Variants in INPP4B observed in about 807,000 individuals in gnomAD.
INPP4B encodes the protein inositol polyphosphate 4-phosphatase type II.
A neutral mutation model predicts 122.5 loss-of-function variants in INPP4B; 55 were observed. The ratio of observed to expected loss-of-function variants is 0.45; its 90% CI spans 0.36 to 0.56. INPP4B has a LOEUF of 0.56. INPP4B is among the 20% of genes least tolerant of loss of function. The probability of loss-of-function intolerance (pLI) is 0.00; values close to 1 mark genes in which losing one functional copy is unlikely to be tolerated. For synonymous variants in INPP4B, 403 were observed against 388.7 expected (o/e 1.04, Z -0.43); for missense variants, 1,000 against 1,097.7 (o/e 0.91, Z 1.26).
At position 142,405,159 on chromosome 4, in the gene INPP4B, A is replaced by AAGAGAGAG. The variant is rs3076598; in HGVS notation, c.255+39_255+46dup. The stretch of plus-strand genomic sequence containing the variant: ...AGAGAGCAAGAGCGAGCGAGCCAGC[A>AAGAGAGAG]AGAGAGAGAGAGAGAGAGAGATTAA... On this transcript the variant is annotated intron_variant, in intron 6 of 25. Coordinates refer to ENST00000262992, the MANE Select transcript of INPP4B (RefSeq NM_001101669.3). The AAGAGAGAG allele has an allele frequency of 2.0e-3, 1,951 of 970,054 alleles. 6 individuals are homozygous for AAGAGAGAG. Among genetic ancestry groups the AAGAGAGAG allele is most frequent in the East Asian group, 0.012 (477 of 39,586 alleles). 60.1% of individuals were successfully genotyped at this position (970,054 alleles called of 1,614,324 possible).
chr4:142,451,039 A>G (rs1580097701), intron 3 of INPP4B, among the ~76,000 whole-genome samples: 1 of 151,710 alleles, frequency 6.6e-6, no homozygotes, highest in South Asian at 2.1e-4. Flanking sequence ...TACAACCCAT[A>G]GACAGAAAAG....
At chr4:142,418,903 A>G (rs1421720404) in intron 5 of INPP4B, among the ~76,000 whole-genome samples, 1 of 152,160 alleles carries the variant, frequency 6.6e-6, no homozygotes, top group Non-Finnish European at 1.5e-5. Context: ...ACTCACGAGG[A>G]CTTGCCTGCT....
Position 142,841,672 on chromosome 4 carries a change from C to A in INPP4B, c.-254+4537G>T, listed in dbSNP as rs149419087. ...ACTCTCTTTTGAGAAACATAAAAAT[C>A]TCGAAGTTCTCCTTCAAAGCTATTT... On this transcript the variant is annotated intron_variant, in intron 1 of 25. Coordinates refer to ENST00000262992, the MANE Select transcript of INPP4B (RefSeq NM_001101669.3). 2.8e-3 allele frequency among the ~76,000 whole-genome samples: 430 copies of A among 151,912 alleles called. 1 individual carries two copies. The highest frequency in any genetic ancestry group is 0.01 in the African/African-American group (419 of 41,504).
chr4:142,714,123 C>T (rs561505254), intron 2 of INPP4B, among the ~76,000 whole-genome samples: 4 of 152,278 alleles, frequency 2.6e-5, no homozygotes, highest in African/African-American at 9.6e-5. Context: ...CATAAAATTA[C>T]AGGAGGGAGA....
At chr4:142,545,553 A>T (rs1829447274) in intron 2 of INPP4B, among the ~76,000 whole-genome samples, 1 of 152,012 alleles carries the variant, frequency 6.6e-6, no homozygotes, top group African/African-American at 2.4e-5. Context: ...CCAAAAAGGT[A>T]AGTTCTTATG....
chr4:142,070,348 C>T (rs2152480517), intron 25 of INPP4B, among the ~76,000 whole-genome samples: 1 of 151,988 alleles, frequency 6.6e-6, no homozygotes, highest in South Asian at 2.1e-4. Flanking sequence ...AAAATAATAG[C>T]AGCTATTTAT....
At chr4:142,487,249 C>T (rs1821313073) in intron 2 of INPP4B, among the ~76,000 whole-genome samples, 1 of 152,070 alleles carries the variant, frequency 6.6e-6, no homozygotes, top group South Asian at 2.1e-4. Context: ...ACTGTAAGTC[C>T]AATAAACCTC....
intron 2 of INPP4B, among the ~76,000 whole-genome samples, chr4:142,496,045 C>T (rs575193435): frequency 6.6e-6 from 1 of 152,178 alleles, no homozygotes; most frequent in East Asian, 1.9e-4. Context: ...TTATCTTTAA[C>T]AATATGATTT....
At chr4:142,442,759 T>A (rs1812091772) in intron 3 of INPP4B, among the ~76,000 whole-genome samples, 1 of 152,172 alleles carries the variant, frequency 6.6e-6, no homozygotes, top group South Asian at 2.1e-4. Context: ...GGAAGATATG[T>A]CAGGCACTGT....
intron 2 of INPP4B, among the ~76,000 whole-genome samples, chr4:142,690,656 G>T (rs969753894): frequency 2.6e-5 from 4 of 152,170 alleles, no homozygotes; most frequent in Admixed American, 6.6e-5. Context: ...AAAAGGACTG[G>T]AGAAGGAATT....
intron 7 of INPP4B, among the ~76,000 whole-genome samples, chr4:142,358,775 G>A (rs1183358096): frequency 6.6e-6 from 1 of 151,500 alleles, no homozygotes; most frequent in Admixed American, 6.6e-5. Context: ...TGTTACAAAT[G>A]CACATGCCCA....
At position 142,133,923 on chromosome 4, in the gene INPP4B, C is replaced by A. The variant is rs529418397; in HGVS notation, c.1721-9163G>T. On this transcript the variant is annotated intron_variant, in intron 18 of 25. Transcript: ENST00000262992. ...CCACTAAACTGCAATCTCTACCCTA[C>A]AACATTACATCAAAACCCTTTTACG... 2.0e-5 allele frequency among the ~76,000 whole-genome samples: 3 copies of A among 152,314 alleles called. No homozygotes were observed. In the East Asian group the frequency reaches 5.8e-4, roughly 29 times the overall value.
At chr4:142,070,706 G>C (rs1032407864) in intron 25 of INPP4B, among the ~76,000 whole-genome samples, 2 of 152,114 alleles carry the variant, frequency 1.3e-5, no homozygotes, top group African/African-American at 2.4e-5. Context: ...GACAGACAGA[G>C]AGCCAAATTA....
chr4:142,030,763 G>A (rs1202034118), intron 25 of INPP4B, among the ~76,000 whole-genome samples: 2 of 152,064 alleles, frequency 1.3e-5, no homozygotes, highest in Non-Finnish European at 2.9e-5. Context: ...CTCTCTACTG[G>A]CATTGCACCT....
intron 2 of INPP4B, among the ~76,000 whole-genome samples, chr4:142,485,812 T>G (rs913947226): frequency 6.6e-6 from 1 of 152,114 alleles, no homozygotes. Flanking sequence ...TTATACAAAT[T>G]ACCTCCCACA....
chr4:142,825,525 C>A (rs1781351412), intron 1 of INPP4B, among the ~76,000 whole-genome samples: 1 of 151,940 alleles, frequency 6.6e-6, no homozygotes, highest in Admixed American at 6.6e-5. Flanking sequence ...ACAGTGGAAT[C>A]TCTGACCCCA....
chr4:142,326,859 C>T (rs189255679), intron 7 of INPP4B, among the ~76,000 whole-genome samples: 144 of 152,234 alleles, frequency 9.5e-4, no homozygotes, highest in African/African-American at 3.2e-3. Flanking sequence ...ATTATTATTG[C>T]TTTGCCCATT....
intron 23 of INPP4B, among the ~76,000 whole-genome samples, chr4:142,102,388 G>T (rs1784877090): frequency 6.7e-6 from 1 of 149,856 alleles, no homozygotes; most frequent in African/African-American, 2.4e-5. Flanking sequence ...TATTCTAAAA[G>T]AATTTAAAAG....
chr4:142,078,161 C>T (rs1771857830), intron 25 of INPP4B, among the ~76,000 whole-genome samples: 1 of 136,494 alleles, frequency 7.3e-6, no homozygotes, highest in African/African-American at 2.6e-5. Flanking sequence ...GAGTGTGCAG[C>T]TGAAAGTAAT....
Sources: allele counts gnomAD v4.1 joint callset (sites outside exome capture counted in the v4.1 genomes callset), GRCh38; gene constraint gnomAD v4.1.1; transcripts MANE v1.5; gene names NCBI Gene and HGNC (gene_info 2026-07-23, HGNC 2026-07-21).